The following ALK variants were observed in gnomAD, a reference collection of about 807,000 sequenced individuals.
ALK encodes the protein ALK receptor tyrosine kinase.
A neutral mutation model predicts 163.1 loss-of-function variants in ALK; 74 were observed. That is an observed-to-expected ratio of 0.45 (90% CI 0.38 to 0.55). The LOEUF (loss-of-function observed/expected upper bound fraction) is 0.55. Ranked by LOEUF, ALK falls within the 20% of genes least tolerant of loss-of-function variation. The pLI is 0.00. For missense variants in ALK, 2,063 were observed against 2,105.3 expected (o/e 0.98, Z 0.39); for synonymous variants, 960 against 843.2 (o/e 1.14, Z -2.40).
At chr2:29,857,508 G>C (rs973319115) in intron 1 of ALK, among the ~76,000 whole-genome samples, 1 of 152,216 alleles carries the variant, frequency 6.6e-6, no homozygotes. Flanking sequence ...TGATCCCATG[G>C]GCACAGGTGA....
chr2:29,728,551 G>A (rs1335085625), intron 1 of ALK, among the ~76,000 whole-genome samples: 1 of 152,226 alleles, frequency 6.6e-6, no homozygotes. Flanking sequence ...GAAGGAGACA[G>A]ACACAACCCT....
At chr2:29,432,854 T>C (rs1234837656) in intron 4 of ALK, among the ~76,000 whole-genome samples, 1 of 151,930 alleles carries the variant, frequency 6.6e-6, no homozygotes, top group Non-Finnish European at 1.5e-5. Context: ...CTCAGTGAAG[T>C]GGGGGTGAGT....
At chr2:29,709,692 G>A (rs1438273364) in intron 2 of ALK, among the ~76,000 whole-genome samples, 1 of 152,134 alleles carries the variant, frequency 6.6e-6, no homozygotes, top group Non-Finnish European at 1.5e-5. Context: ...CTCCCAGACT[G>A]TTCTAATTTG....
At chr2:29,504,498 T>A (rs1312478845) in intron 4 of ALK, among the ~76,000 whole-genome samples, 1 of 151,838 alleles carries the variant, frequency 6.6e-6, no homozygotes, top group Admixed American at 6.6e-5. Flanking sequence ...GTTGACCAGG[T>A]GAGAGATTAT....
chr2:29,296,808 CG>C, intron 9 of ALK, 79 bp downstream of exon 9: 1 of 1,587,964 alleles, frequency 6.3e-7, no homozygotes, highest in Admixed American at 1.7e-5. Flanking sequence ...GTAAAAGGCA[CG>C]GGGAAAGGGA....
intron 3 of ALK, among the ~76,000 whole-genome samples, chr2:29,638,650 G>C (rs2339543): frequency 0.62 from 94,314 of 151,836 alleles, 30,163 homozygotes; most frequent in Middle Eastern, 0.75. Context: ...GCTTCACATG[G>C]AACAGCTCCT....
intron 4 of ALK, among the ~76,000 whole-genome samples, chr2:29,468,853 CAAAAAAAAAA>C (rs70958265): frequency 1.6e-4 from 5 of 30,910 alleles, no homozygotes; most frequent in African/African-American, 6.3e-4. Context: ...GACCCTGCCT[CAAAAAAAAAA>C]AAAAAAAAAA....
chr2:29,738,596 A>G (rs1249330508), intron 1 of ALK, among the ~76,000 whole-genome samples: 2 of 152,044 alleles, frequency 1.3e-5, no homozygotes, highest in Non-Finnish European at 2.9e-5. Flanking sequence ...CGTGTTTTGA[A>G]TATGTGGACC....
At chr2:29,381,272 G>A (rs2148299642) in intron 5 of ALK, among the ~76,000 whole-genome samples, 1 of 152,394 alleles carries the variant, frequency 6.6e-6, no homozygotes, top group East Asian at 1.9e-4. Context: ...TAAAGGCATT[G>A]ACACTTGGCT....
At chr2:29,869,050 C>T (rs1399694905) in intron 1 of ALK, among the ~76,000 whole-genome samples, 2 of 152,184 alleles carry the variant, frequency 1.3e-5, no homozygotes, top group African/African-American at 2.4e-5. Context: ...ACGTCTTTCA[C>T]CCATCCCCCA....
At chr2:29,206,259 T>TC (rs1394633810) in intron 26 of ALK, among the ~76,000 whole-genome samples, 31 of 147,550 alleles carry the variant, frequency 2.1e-4, no homozygotes, top group African/African-American at 7.7e-4. Context: ...CCTCCCTTTC[T>TC]TTCTTTCTCT....
chr2:29,572,419 A>G (rs1183284756), intron 3 of ALK, among the ~76,000 whole-genome samples: 1 of 152,108 alleles, frequency 6.6e-6, no homozygotes, highest in Non-Finnish European at 1.5e-5. Context: ...GAAGCAGCAC[A>G]CTTCTTGCAG....
chr2:29,739,480 C>A (rs1315637507), intron 1 of ALK, among the ~76,000 whole-genome samples: 1 of 151,436 alleles, frequency 6.6e-6, no homozygotes, highest in East Asian at 1.9e-4. Flanking sequence ...ATTGCTTGAG[C>A]CCGGGAGGCA....
At chr2:29,714,705 C>A (rs145554821) in intron 2 of ALK, among the ~76,000 whole-genome samples, 1 of 152,312 alleles carries the variant, frequency 6.6e-6, no homozygotes, top group African/African-American at 2.4e-5. Flanking sequence ...AGAACGATCC[C>A]TTCAGGCAGC....
chr2:29,279,196 G>A (rs1333865334), intron 9 of ALK, among the ~76,000 whole-genome samples: 4 of 152,180 alleles, frequency 2.6e-5, no homozygotes, highest in South Asian at 2.1e-4. Flanking sequence ...TCTGCGCGGC[G>A]ACAGCAGTGG....
chr2:29,378,652 T>C (rs192929470), intron 5 of ALK, among the ~76,000 whole-genome samples: 1 of 152,098 alleles, frequency 6.6e-6, no homozygotes, highest in East Asian at 1.9e-4. Flanking sequence ...TAGATGAGGG[T>C]TTGCAATGCT....
chr2:29,586,356 A>G (rs1674888666), intron 3 of ALK, among the ~76,000 whole-genome samples: 1 of 151,970 alleles, frequency 6.6e-6, no homozygotes, highest in South Asian at 2.1e-4. Context: ...TAACTATAGG[A>G]TTTTTAATTC....
chr2:29,691,579 G>C (rs1405008575), intron 3 of ALK, among the ~76,000 whole-genome samples: 1 of 152,184 alleles, frequency 6.6e-6, no homozygotes, highest in East Asian at 1.9e-4. Flanking sequence ...TTCACATTCA[G>C]TGTGTGCACT....
intron 1 of ALK, among the ~76,000 whole-genome samples, chr2:29,822,995 C>T (rs1460615306): frequency 1.3e-5 from 2 of 152,206 alleles, no homozygotes; most frequent in Non-Finnish European, 2.9e-5. Context: ...ACTGTGTCCC[C>T]ACCCAAAACT....
Sources: allele counts gnomAD v4.1 joint callset (sites outside exome capture counted in the v4.1 genomes callset), GRCh38; gene constraint gnomAD v4.1.1; transcripts MANE v1.5; gene names NCBI Gene and HGNC (gene_info 2026-07-23, HGNC 2026-07-21).